RASEF: variants seen among roughly 807,000 people sequenced by gnomAD.
RASEF encodes the protein ras and EF-hand domain-containing protein.
In RASEF, 68 loss-of-function variants were observed where a neutral mutation model predicts 90.1. The observed-to-expected ratio is 0.75, with a 90% CI of 0.62 to 0.92. The LOEUF (loss-of-function observed/expected upper bound fraction) is 0.92, where lower values mean the gene tolerates loss of function less well. Among genes scored for constraint, RASEF ranks in the 40% least tolerant of loss-of-function variants. The pLI is 0.00. For missense variants in RASEF, 949 were observed against 937.2 expected, an observed-to-expected ratio of 1.01 and a Z score of -0.16; for synonymous variants, 331 against 345.2, an observed-to-expected ratio of 0.96 and a Z score of 0.46.
intron 3 of RASEF, among the ~76,000 whole-genome samples, chr9:83,018,986 T>C (rs1389747011): frequency 6.6e-6 from 1 of 152,156 alleles, no homozygotes; most frequent in Admixed American, 6.5e-5. Context: ...CATTGATCCA[T>C]ATCTTGGCAC....
chr9:83,169,382 CA>C, the RASEF span, among the ~76,000 whole-genome samples: 2 of 143,068 alleles, frequency 1.4e-5, no homozygotes, highest in African/African-American at 4.9e-5. Context: ...CACACACACA[CA>C]CACACACACA....
At chr9:83,161,394 G>C in the RASEF span, among the ~76,000 whole-genome samples, 1 of 151,124 alleles carries the variant, frequency 6.6e-6, no homozygotes, top group Admixed American at 6.7e-5. Context: ...GCCCTGCTGG[G>C]TTTCAGACTT....
chr9:83,195,869 A>T, the RASEF span, among the ~76,000 whole-genome samples: 40 of 152,006 alleles, frequency 2.6e-4, no homozygotes, highest in Non-Finnish European at 5.3e-4. Flanking sequence ...AATCACTTTG[A>T]TTGTCAGGCA....
At chr9:83,168,115 T>C in the RASEF span, among the ~76,000 whole-genome samples, 1 of 152,144 alleles carries the variant, frequency 6.6e-6, no homozygotes, top group East Asian at 1.9e-4. Context: ...GCACCAGAAT[T>C]CCTACTAGCA....
At chr9:83,029,677 C>T (rs952537394) in intron 1 of RASEF, among the ~76,000 whole-genome samples, 5 of 151,332 alleles carry the variant, frequency 3.3e-5, no homozygotes, top group Admixed American at 2.0e-4. Context: ...TCCCAAAGTG[C>T]TGGGATTACA....
chr9:83,020,276 G>A (rs1204713652), intron 3 of RASEF, among the ~76,000 whole-genome samples: 2 of 152,158 alleles, frequency 1.3e-5, no homozygotes, highest in African/African-American at 4.8e-5. Flanking sequence ...GGAGTGAAGA[G>A]ATAATCATCA....
chr9:82,996,054 G>A (rs963132733), intron 14 of RASEF, among the ~76,000 whole-genome samples: 2 of 152,098 alleles, frequency 1.3e-5, no homozygotes, highest in Non-Finnish European at 2.9e-5. Context: ...ATGATAAGTT[G>A]GTAGAACAGA....
chr9:82,988,409 AT>A (rs372280934), intron 16 of RASEF, among the ~76,000 whole-genome samples: 2 of 152,006 alleles, frequency 1.3e-5, no homozygotes, highest in African/African-American at 2.4e-5. Context: ...AACACACAAA[AT>A]AACCCATCTA....
At chr9:83,184,462 G>T in the RASEF span, among the ~76,000 whole-genome samples, 1 of 152,116 alleles carries the variant, frequency 6.6e-6, no homozygotes, top group Non-Finnish European at 1.5e-5. Context: ...GGAGTGAGAA[G>T]TTCCATCTTC....
chr9:83,065,409 G>A (rs892754208), upstream of RASEF, among the ~76,000 whole-genome samples: 6 of 152,204 alleles, frequency 3.9e-5, no homozygotes, highest in African/African-American at 9.6e-5. Context: ...GCTGGGCCAT[G>A]TGTCTTCAGG....
the RASEF span, among the ~76,000 whole-genome samples, chr9:83,090,969 C>T: frequency 6.6e-6 from 1 of 152,060 alleles, no homozygotes; most frequent in Non-Finnish European, 1.5e-5. Flanking sequence ...GCTCAGTTAG[C>T]TTATGGTTAG....
At chr9:83,166,811 AC>A in the RASEF span, among the ~76,000 whole-genome samples, 1 of 152,158 alleles carries the variant, frequency 6.6e-6, no homozygotes, top group Non-Finnish European at 1.5e-5. Flanking sequence ...GTGCAGAGGA[AC>A]CCAAGGCCAC....
the RASEF span, among the ~76,000 whole-genome samples, chr9:83,074,332 GT>G: frequency 6.6e-6 from 1 of 152,184 alleles, no homozygotes; most frequent in African/African-American, 2.4e-5. Flanking sequence ...AGTACTTACT[GT>G]TTCTCAAAGG....
At chr9:83,056,815 C>A (rs1830110958) in intron 1 of RASEF, among the ~76,000 whole-genome samples, 1 of 152,102 alleles carries the variant, frequency 6.6e-6, no homozygotes, top group Admixed American at 6.5e-5. Flanking sequence ...TTTGCACAAA[C>A]CAGAAGGACA....
chr9:83,160,027 G>A, the RASEF span, among the ~76,000 whole-genome samples: 3 of 152,240 alleles, frequency 2.0e-5, no homozygotes, highest in Non-Finnish European at 2.9e-5. Flanking sequence ...CCCCAGCCAC[G>A]TGGAACTGTA....
the RASEF span, among the ~76,000 whole-genome samples, chr9:83,161,958 A>G: frequency 1.2e-4 from 19 of 152,070 alleles, no homozygotes; most frequent in Non-Finnish European, 1.5e-4. Context: ...AGCCACATGG[A>G]ACTGTAAGTC....
chr9:83,149,194 C>G, the RASEF span, among the ~76,000 whole-genome samples: 1,084 of 152,308 alleles, frequency 7.1e-3, 14 homozygotes, highest in African/African-American at 0.024. Flanking sequence ...AAGATTATGG[C>G]ACACCAGTGG....
intron 1 of RASEF, chr9:83,055,217 T>A (rs1327906135): frequency 8.4e-6 from 2 of 239,136 alleles, no homozygotes; most frequent in Non-Finnish European, 8.2e-6. Flanking sequence ...CGTAGGACCC[T>A]CTGAGCCAGG....
chr9:82,984,148 T>C (rs1328741799), intron 16 of RASEF, among the ~76,000 whole-genome samples: 2 of 152,234 alleles, frequency 1.3e-5, no homozygotes, highest in Non-Finnish European at 2.9e-5. Flanking sequence ...TTGAATTATT[T>C]AGTAGCCAGA....
Sources: gnomAD v4.1 joint callset for allele counts (sites outside exome capture counted in the v4.1 genomes callset) on GRCh38, gnomAD v4.1.1 for gene constraint, MANE v1.5 for transcripts, NCBI Gene and HGNC (gene_info 2026-07-23, HGNC 2026-07-21) for gene names.